The following OSBPL9 variants were observed in gnomAD, a reference collection of about 807,000 sequenced individuals.
OSBPL9 encodes the protein oxysterol-binding protein-related protein 9.
In OSBPL9, 40 loss-of-function variants were observed where a neutral mutation model predicts 106.6. The ratio of observed to expected loss-of-function variants is 0.38; its 90% CI spans 0.29 to 0.49. The LOEUF (loss-of-function observed/expected upper bound fraction) is 0.49, where lower values mean the gene tolerates loss of function less well. Among genes scored for constraint, OSBPL9 ranks in the 20% least tolerant of loss-of-function variants. OSBPL9 has a pLI of 0.97. For missense variants in OSBPL9, 609 were observed against 887.2 expected (o/e 0.69, Z 3.98); for synonymous variants, 269 against 295.4 (o/e 0.91, Z 0.92).
intron 3 of OSBPL9, among the ~76,000 whole-genome samples, chr1:51,671,098 C>T (rs546930578): frequency 6.6e-6 from 1 of 152,280 alleles, no homozygotes; most frequent in South Asian, 2.1e-4. Context: ...AAGAGTTATG[C>T]ACATTTTAAA....
intron 4 of OSBPL9, 114 bp downstream of exon 4, chr1:51,714,193 AT>A: frequency 2.9e-6 from 2 of 680,328 alleles, no homozygotes. Context: ...GGAACTTATA[AT>A]TTCTGAGTTG....
At chr1:51,529,704 A>G in the OSBPL9 span, among the ~76,000 whole-genome samples, 1 of 151,664 alleles carries the variant, frequency 6.6e-6, no homozygotes, top group Non-Finnish European at 1.5e-5. Context: ...AGTCTTTTCA[A>G]CAGATGGTAC....
intron 3 of OSBPL9, among the ~76,000 whole-genome samples, chr1:51,686,936 G>A (rs943747094): frequency 6.6e-6 from 1 of 152,224 alleles, no homozygotes; most frequent in South Asian, 2.1e-4. Flanking sequence ...AAAGAAGACT[G>A]AATGTAGAGC....
At chr1:51,558,397 T>C in the OSBPL9 span, among the ~76,000 whole-genome samples, 1 of 152,178 alleles carries the variant, frequency 6.6e-6, no homozygotes, top group African/African-American at 2.4e-5. Flanking sequence ...TCAGGAGTCA[T>C]GCAGCCAGAG....
intron 3 of OSBPL9, among the ~76,000 whole-genome samples, chr1:51,677,875 T>C (rs537423215): frequency 6.6e-6 from 1 of 152,062 alleles, no homozygotes; most frequent in East Asian, 2.0e-4. Flanking sequence ...AAGCAGTGTG[T>C]TCTCAAAAAT....
chr1:51,601,097 A>G (rs1051818023), intron 2 of OSBPL9, among the ~76,000 whole-genome samples: 1 of 152,210 alleles, frequency 6.6e-6, no homozygotes, highest in Admixed American at 6.5e-5. Context: ...TAGGTAGGAA[A>G]AGGATGTGTT....
At chr1:51,786,214 A>T (rs1214446284) in intron 21 of OSBPL9, 2 of 443,118 alleles carry the variant, frequency 4.5e-6, no homozygotes, top group Non-Finnish European at 8.0e-6. Flanking sequence ...TATGTTTATA[A>T]AATGAAGCAC....
At chr1:51,523,113 T>A in the OSBPL9 span, among the ~76,000 whole-genome samples, 1 of 151,810 alleles carries the variant, frequency 6.6e-6, no homozygotes, top group South Asian at 2.1e-4. Context: ...ATCAATCAAA[T>A]AAAAATAAAT....
chr1:51,593,423 T>TG (rs1645285942), intron 1 of OSBPL9, among the ~76,000 whole-genome samples: 1 of 152,118 alleles, frequency 6.6e-6, no homozygotes, highest in Non-Finnish European at 1.5e-5. Context: ...TCAGGCTCCC[T>TG]AACCCCCTTG....
intron 4 of OSBPL9, among the ~76,000 whole-genome samples, chr1:51,744,016 A>T (rs1468901872): frequency 2.0e-5 from 3 of 151,810 alleles, no homozygotes; most frequent in Non-Finnish European, 4.4e-5. Flanking sequence ...TCTCATTGGG[A>T]AGGGGCTTTG....
At chr1:51,731,242 C>A (rs1280181286) in intron 4 of OSBPL9, among the ~76,000 whole-genome samples, 1 of 150,792 alleles carries the variant, frequency 6.6e-6, no homozygotes, top group Non-Finnish European at 1.5e-5. Context: ...TGGAGACCAG[C>A]CTGGGCAACA....
intron 1 of OSBPL9, among the ~76,000 whole-genome samples, chr1:51,645,650 T>C (rs1173658710): frequency 6.6e-6 from 1 of 152,142 alleles, no homozygotes; most frequent in East Asian, 1.9e-4. Context: ...ATGCCCAGTT[T>C]ATTAATATTT....
At chr1:51,665,292 G>C (rs915729145) in intron 2 of OSBPL9, among the ~76,000 whole-genome samples, 1 of 152,022 alleles carries the variant, frequency 6.6e-6, no homozygotes, top group East Asian at 1.9e-4. Context: ...TTACAGGCTT[G>C]CACCACCATG....
chr1:51,628,697 T>C (rs921203370), intron 1 of OSBPL9, among the ~76,000 whole-genome samples: 3 of 147,724 alleles, frequency 2.0e-5, no homozygotes, highest in African/African-American at 7.4e-5. Flanking sequence ...TTTTTTTTTT[T>C]TTTTGAGATG....
chr1:51,706,473 C>G (rs1658560169), intron 3 of OSBPL9, among the ~76,000 whole-genome samples: 1 of 151,956 alleles, frequency 6.6e-6, no homozygotes, highest in African/African-American at 2.4e-5. Flanking sequence ...TTGTCTTCGT[C>G]CCTTCCTCCT....
At chr1:51,538,060 A>T in the OSBPL9 span, among the ~76,000 whole-genome samples, 1 of 152,120 alleles carries the variant, frequency 6.6e-6, no homozygotes, top group East Asian at 1.9e-4. Context: ...GGAGGCCAAG[A>T]CGGGCAAATC....
intron 1 of OSBPL9, among the ~76,000 whole-genome samples, chr1:51,592,155 C>T (rs891711400): frequency 2.1e-5 from 3 of 139,984 alleles, no homozygotes; most frequent in South Asian, 2.3e-4. Context: ...CGCTCTGTCG[C>T]CCAGGCTGGA....
At position 51,756,412 on chromosome 1, in the gene OSBPL9, C is replaced by G. The variant is rs2295185; in HGVS notation, c.582+54C>G. On this transcript the variant is annotated intron_variant, in intron 9 of 23. Transcript: ENST00000428468. ...CTTTACTTCTGCAGAGCATTATAAC[C>G]AGTCATATCAGGAGAAGCCTGAATT... 2,075 of 1,528,406 alleles carry G rather than the reference C, an allele frequency of 1.4e-3. 37 individuals carry two copies. In the East Asian group the frequency reaches 0.036, roughly 27 times the overall value. The allele number at this position is 1,528,406 out of a possible 1,614,324, so 94.7% of individuals were successfully genotyped here.
chr1:51,733,818 C>A (rs1665033120), intron 4 of OSBPL9, among the ~76,000 whole-genome samples: 1 of 151,878 alleles, frequency 6.6e-6, no homozygotes, highest in African/African-American at 2.4e-5. Context: ...CAGGACTCCC[C>A]ACCTTCCCCT....
Sources: allele counts gnomAD v4.1 joint callset (sites outside exome capture counted in the v4.1 genomes callset), GRCh38; gene constraint gnomAD v4.1.1; transcripts MANE v1.5; gene names NCBI Gene and HGNC (gene_info 2026-07-23, HGNC 2026-07-21).